The following DCUN1D4 variants were observed in gnomAD, a reference collection of about 807,000 sequenced individuals.
The protein encoded by DCUN1D4 is defective in cullin neddylation 1 domain containing 4.
A neutral mutation model predicts 47.9 loss-of-function variants in DCUN1D4; 22 were observed. The ratio of observed to expected loss-of-function variants is 0.46; its 90% CI spans 0.33 to 0.66. The LOEUF is 0.66. Ranked by LOEUF, DCUN1D4 falls within the 30% of genes least tolerant of loss-of-function variation. The probability of loss-of-function intolerance (pLI) is 0.02; values close to 1 mark genes in which losing one functional copy is unlikely to be tolerated. For synonymous variants in DCUN1D4, 121 were observed against 112.2 expected (o/e 1.08, Z -0.50); for missense variants, 301 against 340.8 (o/e 0.88, Z 0.92).
upstream of DCUN1D4, among the ~76,000 whole-genome samples, chr4:51,841,597 T>C (rs1160915593): frequency 6.6e-6 from 1 of 152,132 alleles, no homozygotes; most frequent in Non-Finnish European, 1.5e-5. Flanking sequence ...ATAAAGTGAT[T>C]CATAAATGTT....
chr4:51,876,318 C>CA (rs1244328911), intron 4 of DCUN1D4, among the ~76,000 whole-genome samples: 4 of 147,196 alleles, frequency 2.7e-5, no homozygotes, highest in African/African-American at 7.6e-5. Flanking sequence ...ATCGCAAGGA[C>CA]AAAAAACCAA....
rs75775136 is a variant in DCUN1D4 at position 51,905,884 on chromosome 4, T to G, written c.616-5186T>G. Among the ~76,000 whole-genome samples, 44 of 152,130 alleles carry G rather than the reference T, an allele frequency of 2.9e-4. 1 individual carries two copies. The East Asian group carries it at 8.1e-3, about 28-fold the overall frequency. On this transcript the variant is annotated intron_variant, in intron 8 of 10. Coordinates refer to ENST00000334635, the MANE Select transcript of DCUN1D4 (RefSeq NM_001040402.3). ...TACCTTGATGCAGGAAGGGACAGAT[T>G]TAGAGTGAGAAGTTTGAGAGGAGCC...
chr4:51,914,929 G>C lies in DCUN1D4; in HGVS notation c.*1345G>C, dbSNP rs761691859. 3.5e-5 allele frequency: 5 copies of C among 144,230 alleles called. No homozygotes were observed. The highest frequency in any genetic ancestry group is 1.3e-4 in the African/African-American group (5 of 39,108). The allele number at this position is 144,230 out of a possible 1,614,324, so 8.9% of individuals were successfully genotyped here. ...TGACTAATTCAGTCCCTAAAGTTCTGTGAAAACACAAAAGTCTAATGATTT... is the reference window on the plus strand; with the variant it reads ...TGACTAATTCAGTCCCTAAAGTTCTCTGAAAACACAAAAGTCTAATGATTT... On this transcript the variant is annotated 3_prime_UTR_variant, in exon 11 of 11. Transcript: ENST00000334635.
chr4:51,889,023 C>T (rs1225310133), intron 6 of DCUN1D4, among the ~76,000 whole-genome samples: 1 of 151,998 alleles, frequency 6.6e-6, no homozygotes, highest in Non-Finnish European at 1.5e-5. Flanking sequence ...GCACAAGAAT[C>T]ACTTGAGCCC....
At chr4:51,849,021 G>A (rs1403520300) in intron 1 of DCUN1D4, among the ~76,000 whole-genome samples, 1 of 152,038 alleles carries the variant, frequency 6.6e-6, no homozygotes, top group Admixed American at 6.6e-5. Flanking sequence ...ATCCATTTGT[G>A]CTTCTCCCCC....
chr4:51,877,963 G>A, intron 5 of DCUN1D4, 109 bp downstream of exon 5: 1 of 654,390 alleles, frequency 1.5e-6, no homozygotes, highest in Non-Finnish European at 2.4e-6. Context: ...GGGTGTGTGT[G>A]TGTGTGTGTC....
chr4:51,860,046 T>C (rs530028552), intron 1 of DCUN1D4, among the ~76,000 whole-genome samples: 142 of 152,326 alleles, frequency 9.3e-4, no homozygotes, highest in Non-Finnish European at 1.7e-3. Context: ...GCCATGAGCA[T>C]TGAACAGATG....
intron 1 of DCUN1D4, among the ~76,000 whole-genome samples, chr4:51,849,211 G>C (rs1722998662): frequency 6.6e-6 from 1 of 152,176 alleles, no homozygotes; most frequent in African/African-American, 2.4e-5. Context: ...GTGAACCTGA[G>C]GCTGGAGGCA....
chr4:51,898,196 G>A (rs1339178276), intron 7 of DCUN1D4, among the ~76,000 whole-genome samples: 1 of 152,200 alleles, frequency 6.6e-6, no homozygotes, highest in Non-Finnish European at 1.5e-5. Flanking sequence ...CACACAGGGA[G>A]CTATATGGGA....
At chr4:51,885,795 G>C (rs1210853262) in intron 5 of DCUN1D4, among the ~76,000 whole-genome samples, 1 of 152,106 alleles carries the variant, frequency 6.6e-6, no homozygotes, top group African/African-American at 2.4e-5. Flanking sequence ...GAAGGGGAGA[G>C]GAAGGAGGAA....
chr4:51,841,251 A>G (rs78873561), upstream of DCUN1D4, among the ~76,000 whole-genome samples: 1 of 152,182 alleles, frequency 6.6e-6, no homozygotes, highest in African/African-American at 2.4e-5. Context: ...AAAAAAAAAA[A>G]TCATAAATAT....
At chr4:51,877,611 G>A in intron 4 of DCUN1D4, 152 bp from the exon 5 acceptor site, 1 of 540,954 alleles carries the variant, frequency 1.8e-6, no homozygotes, top group Non-Finnish European at 3.3e-6. Flanking sequence ...GTTAAAAGCT[G>A]AAGCCTGCAA....
intron 1 of DCUN1D4, chr4:51,845,055 C>A: frequency 2.0e-6 from 2 of 985,484 alleles, no homozygotes; most frequent in Non-Finnish European, 2.4e-6. Context: ...TTTCCCCCTG[C>A]ATTTTGTGGC....
At chr4:51,855,187 A>G (rs1218844945) in intron 1 of DCUN1D4, among the ~76,000 whole-genome samples, 1 of 152,212 alleles carries the variant, frequency 6.6e-6, no homozygotes, top group Non-Finnish European at 1.5e-5. Flanking sequence ...TAAAATGTCT[A>G]GAATAGGCAA....
chr4:51,856,783 C>G (rs1724208282), intron 1 of DCUN1D4, among the ~76,000 whole-genome samples: 1 of 152,182 alleles, frequency 6.6e-6, no homozygotes, highest in African/African-American at 2.4e-5. Flanking sequence ...ACTGCAATCA[C>G]ATTTTATATA....
At chr4:51,887,862 C>T (rs1200255506) in intron 6 of DCUN1D4, among the ~76,000 whole-genome samples, 1 of 142,716 alleles carries the variant, frequency 7.0e-6, no homozygotes, top group African/African-American at 2.6e-5. Flanking sequence ...TTTGGAATGT[C>T]TTTCACTTAT....
chr4:51,876,516 A>G (rs947225020), intron 4 of DCUN1D4, among the ~76,000 whole-genome samples: 1 of 152,134 alleles, frequency 6.6e-6, no homozygotes, highest in Non-Finnish European at 1.5e-5. Context: ...ACACGTATAC[A>G]TATGTAACAA....
At chr4:51,896,280 C>T (rs1052738192) in intron 7 of DCUN1D4, among the ~76,000 whole-genome samples, 20 of 152,210 alleles carry the variant, frequency 1.3e-4, no homozygotes, top group African/African-American at 4.8e-4. Flanking sequence ...GGCTTGCTCC[C>T]AGGCATGCTG....
In DCUN1D4 at chr4:51,843,201, C is replaced by A; in HGVS notation, c.-42C>A. 6.5e-7 allele frequency: 1 copy of A among 1,536,976 alleles called. No homozygotes were observed. Among genetic ancestry groups the A allele is most frequent in the Non-Finnish European group, 8.8e-7 (1 of 1,142,216 alleles). ...GCTGGTGGGGGGACCGCGAGGCGAGCGCGGGAGCCTGGGCGGCGAGCCGGG... is the reference window on the plus strand; with the variant it reads ...GCTGGTGGGGGGACCGCGAGGCGAGAGCGGGAGCCTGGGCGGCGAGCCGGG... On this transcript the variant is annotated 5_prime_UTR_variant, in exon 1 of 11. Transcript: ENST00000334635.
Sources: gnomAD v4.1 joint callset for allele counts (sites outside exome capture counted in the v4.1 genomes callset) on GRCh38, gnomAD v4.1.1 for gene constraint, MANE v1.5 for transcripts, NCBI Gene and HGNC (gene_info 2026-07-23, HGNC 2026-07-21) for gene names.